The following ABCA5 variants were observed in gnomAD, a reference collection of about 807,000 sequenced individuals.
ABCA5 encodes the protein ATP binding cassette subfamily A member 5.
Under a neutral mutation model 206.0 loss-of-function variants are expected in ABCA5, and 163 were observed. The ratio of observed to expected loss-of-function variants is 0.79; its 90% CI spans 0.70 to 0.90. The LOEUF is 0.90. Among genes scored for constraint, ABCA5 ranks in the 40% least tolerant of loss-of-function variants. The probability of loss-of-function intolerance (pLI) is 0.00; values close to 1 mark genes in which losing one functional copy is unlikely to be tolerated. For synonymous variants in ABCA5, 609 were observed against 613.8 expected (o/e 0.99, Z 0.11); for missense variants, 1,859 against 1,912.9 (o/e 0.97, Z 0.53).
At chr17:69,305,730 G>A (rs1410612464) in intron 6 of ABCA5, among the ~76,000 whole-genome samples, 1 of 152,010 alleles carries the variant, frequency 6.6e-6, no homozygotes, top group Non-Finnish European at 1.5e-5. Context: ...AATTAGTTGG[G>A]CATGACAGCA....
At chr17:69,322,928 C>A in intron 1 of ABCA5, among the ~76,000 whole-genome samples, 1 of 152,150 alleles carries the variant, frequency 6.6e-6, no homozygotes, top group Non-Finnish European at 1.5e-5. Context: ...GAAACGTGGT[C>A]ACCTTCTTAG....
intron 1 of ABCA5, among the ~76,000 whole-genome samples, chr17:69,321,592 T>C (rs896423011): frequency 6.6e-6 from 1 of 152,162 alleles, no homozygotes; most frequent in Non-Finnish European, 1.5e-5. Context: ...TGCCTCTAAA[T>C]GGCAATATCT....
At chr17:69,308,945 C>G (rs1298608493) in intron 4 of ABCA5, among the ~76,000 whole-genome samples, 2 of 151,680 alleles carry the variant, frequency 1.3e-5, no homozygotes, top group East Asian at 3.9e-4. Flanking sequence ...GTACATACCA[C>G]AAGTAAAAAC....
intron 2 of ABCA5, among the ~76,000 whole-genome samples, chr17:69,313,879 C>G (rs1003723442): frequency 1.3e-5 from 2 of 152,102 alleles, no homozygotes; most frequent in Non-Finnish European, 2.9e-5. Context: ...TACCCAAGTT[C>G]TTCCTTTCTT....
chr17:69,259,094 G>T (rs1192830969), intron 28 of ABCA5, among the ~76,000 whole-genome samples: 2 of 151,944 alleles, frequency 1.3e-5, no homozygotes, highest in Non-Finnish European at 2.9e-5. Context: ...CCACCCAAGA[G>T]AAATGAAAAT....
At chr17:69,292,293 C>A (rs371969935) in intron 11 of ABCA5, among the ~76,000 whole-genome samples, 1 of 152,124 alleles carries the variant, frequency 6.6e-6, no homozygotes, top group Admixed American at 6.5e-5. Flanking sequence ...TCTTTAATTT[C>A]TCTCAGCAAT....
chr17:69,263,269 C>A (rs533910184), intron 24 of ABCA5, among the ~76,000 whole-genome samples: 1 of 152,224 alleles, frequency 6.6e-6, no homozygotes, highest in Non-Finnish European at 1.5e-5. Flanking sequence ...ATTTCTGTTG[C>A]AATTGCTTTT....
chr17:69,300,484 T>C (rs187989792), intron 9 of ABCA5, among the ~76,000 whole-genome samples: 1 of 152,298 alleles, frequency 6.6e-6, no homozygotes, highest in African/African-American at 2.4e-5. Flanking sequence ...TTTATAATGG[T>C]CAAAATGTTC....
intron 15 of ABCA5, among the ~76,000 whole-genome samples, chr17:69,286,823 C>T (rs2075459781): frequency 1.3e-5 from 2 of 152,174 alleles, no homozygotes; most frequent in African/African-American, 4.8e-5. Flanking sequence ...GAATTTCAAA[C>T]TTCTATATCT....
chr17:69,273,903 C>T (rs779338432), intron 20 of ABCA5, 56 bp downstream of exon 20: 460 of 1,486,270 alleles, frequency 3.1e-4, no homozygotes, highest in Non-Finnish European at 3.9e-4. Context: ...CTTTATCCAC[C>T]CCTCAACCCC....
At chr17:69,276,812 A>T (rs943661186) in intron 19 of ABCA5, among the ~76,000 whole-genome samples, 1 of 152,212 alleles carries the variant, frequency 6.6e-6, no homozygotes, top group African/African-American at 2.4e-5. Context: ...AAATAATAAA[A>T]TAAATTGAAA....
chr17:69,322,402 G>A (rs865927023), intron 1 of ABCA5, among the ~76,000 whole-genome samples: 4 of 140,034 alleles, frequency 2.9e-5, no homozygotes, highest in African/African-American at 7.9e-5. Flanking sequence ...TGGTTACTAC[G>A]TTCCAAGTCC....
chr17:69,310,267 C>T (rs2075756488), intron 3 of ABCA5, among the ~76,000 whole-genome samples: 2 of 152,006 alleles, frequency 1.3e-5, no homozygotes, highest in African/African-American at 4.8e-5. Flanking sequence ...TGGAGTAGAG[C>T]TTGGTCGATA....
In ABCA5 at chr17:69,289,255, T is replaced by G; in HGVS notation, c.1824A>C (p.Lys608Asn). The G allele has an allele frequency of 6.2e-7, 1 of 1,606,894 alleles. No homozygotes were observed. The highest frequency in any genetic ancestry group is 2.3e-5 in the East Asian group (1 of 44,208). ...VLLDLDMQTI[K>N]DNQAKKLSGG... Reference sequence around the variant, plus strand: ...CACTTAATTTTTTAGCTTGGTTATCTTTGATAGTCTGCATGTCTAAATCTA... The same window carrying G: ...CACTTAATTTTTTAGCTTGGTTATCGTTGATAGTCTGCATGTCTAAATCTA... Residue 608 changes from lysine (K) to asparagine (N), a missense_variant, in exon 14 of 39, where the codon AAA (lysine) becomes AAC (asparagine). Coordinates refer to ENST00000392676, the MANE Select transcript of ABCA5 (RefSeq NM_172232.4).
intron 18 of ABCA5, among the ~76,000 whole-genome samples, chr17:69,278,574 A>C (rs2075358045): frequency 6.6e-6 from 1 of 152,184 alleles, no homozygotes; most frequent in Non-Finnish European, 1.5e-5. Flanking sequence ...GTACATGATC[A>C]ATGACAGTGT....
intron 2 of ABCA5, among the ~76,000 whole-genome samples, chr17:69,313,604 T>C (rs1034115481): frequency 6.6e-6 from 1 of 152,120 alleles, no homozygotes; most frequent in African/African-American, 2.4e-5. Context: ...TAAAACATAA[T>C]AAATTTACTC....
intron 24 of ABCA5, among the ~76,000 whole-genome samples, chr17:69,263,631 C>CCTTTATA (rs2075173916): frequency 6.7e-6 from 1 of 149,428 alleles, no homozygotes; most frequent in Non-Finnish European, 1.5e-5. Flanking sequence ...GTCACTGGAG[C>CCTTTATA]CTTTATAGTA....
chr17:69,256,255 T>A lies in ABCA5; in HGVS notation c.3760A>T (p.Lys1254Ter). ...RNLSTKSKNR[K>*]LPEPPDNEDE... The stretch of plus-strand genomic sequence containing the variant: ...TCATTGTCTGGTGGTTCTGGAAGCT[T>A]CCTATTTTTAGACTTCGTTGAAAGG... The change falls in exon 29 of 39, where the codon AAG (lysine) becomes TAG (stop). Residue 1254 changes from lysine to a stop codon, truncating the protein, a stop_gained. Coordinates refer to ENST00000392676, the MANE Select transcript of ABCA5 (RefSeq NM_172232.4). LOFTEE classifies it high-confidence loss of function. 6.2e-7 allele frequency: 1 copy of A among 1,605,102 alleles called. No homozygotes were observed. Among genetic ancestry groups the A allele is most frequent in the Non-Finnish European group, 8.5e-7 (1 of 1,175,012 alleles).
Position 69,306,842 on chromosome 17 carries a change from T to C in ABCA5, c.671A>G (p.Tyr224Cys), listed in dbSNP as rs755292717. ...DTFPRGVILI[Y>C]LVIAFSPFGY... ...AAAAGGTGAAAATGCTATAACTAGG[T>C]ATATTAAAATTACTCCTCGGGGAAA... Residue 224 changes from tyrosine to cysteine, a missense_variant, in exon 6 of 39, where the codon TAC (tyrosine) becomes TGC (cysteine). Physicochemically the swap from Tyr to Cys is radical, Grantham distance 194. Transcript: ENST00000392676. 9 of 1,604,590 alleles carry C rather than the reference T, an allele frequency of 5.6e-6. No individual in the cohort carries two copies. Among genetic ancestry groups the C allele is most frequent in the Non-Finnish European group, 7.7e-6 (9 of 1,174,788 alleles).
Sources: allele counts gnomAD v4.1 joint callset (sites outside exome capture counted in the v4.1 genomes callset), GRCh38; gene constraint gnomAD v4.1.1; transcripts MANE v1.5; gene names NCBI Gene and HGNC (gene_info 2026-07-23, HGNC 2026-07-21).